The following EGFR variants were observed in gnomAD, a reference collection of about 807,000 sequenced individuals.
EGFR encodes avian erythroblastic leukemia viral (v-erb-b) oncogene homolog.
EGFR carries 58 observed loss-of-function variants against 143.0 expected under a neutral mutation model. The observed-to-expected ratio is 0.41, with a 90% CI of 0.33 to 0.50. The LOEUF (loss-of-function observed/expected upper bound fraction) is 0.50. Among genes scored for constraint, EGFR ranks in the 20% least tolerant of loss-of-function variants. EGFR has a pLI of 0.39. For missense variants in EGFR, 1,307 were observed against 1,579.0 expected (o/e 0.83, Z 2.92); for synonymous variants, 613 against 594.4 (o/e 1.03, Z -0.45).
intron 1 of EGFR, among the ~76,000 whole-genome samples, chr7:55,033,963 T>C (rs933584846): frequency 6.6e-6 from 1 of 152,212 alleles, no homozygotes; most frequent in African/African-American, 2.4e-5. Flanking sequence ...CTATGACGAC[T>C]GTGACTGGCC....
intron 1 of EGFR, among the ~76,000 whole-genome samples, chr7:55,114,916 C>G (rs1792741257): frequency 6.8e-6 from 1 of 146,998 alleles, no homozygotes; most frequent in South Asian, 2.2e-4. Flanking sequence ...GAGTCTCGCC[C>G]TGTCACCCAG....
intron 1 of EGFR, among the ~76,000 whole-genome samples, chr7:55,113,339 G>T (rs1408166436): frequency 1.3e-5 from 2 of 152,276 alleles, no homozygotes; most frequent in African/African-American, 4.8e-5. Context: ...ACATGGTATT[G>T]CCTCGATAAT....
chr7:55,131,693 T>A (rs1460002197), intron 1 of EGFR, among the ~76,000 whole-genome samples: 2 of 152,156 alleles, frequency 1.3e-5, no homozygotes, highest in Non-Finnish European at 2.9e-5. Flanking sequence ...GCTGTCCTGC[T>A]CCTGTCAGTA....
intron 27 of EGFR, among the ~76,000 whole-genome samples, chr7:55,204,204 TACAC>T (rs1056035842): frequency 8.3e-5 from 12 of 144,130 alleles, no homozygotes; most frequent in African/African-American, 3.1e-4. Flanking sequence ...CATACACATG[TACAC>T]ACACACCACA....
intron 1 of EGFR, among the ~76,000 whole-genome samples, chr7:55,079,657 C>T (rs1208192296): frequency 1.3e-5 from 2 of 152,032 alleles, no homozygotes; most frequent in African/African-American, 2.4e-5. Context: ...CCTTTGCTGC[C>T]GTCTTAAGTT....
chr7:55,134,911 G>T (rs148115489), intron 1 of EGFR, among the ~76,000 whole-genome samples: 18 of 152,230 alleles, frequency 1.2e-4, no homozygotes, highest in Middle Eastern at 3.4e-3. Context: ...CGCCGAGCTG[G>T]CCCCATGTCA....
At chr7:55,183,364 A>AAT (rs1468804258) in intron 20 of EGFR, among the ~76,000 whole-genome samples, 1 of 152,176 alleles carries the variant, frequency 6.6e-6, no homozygotes, top group Non-Finnish European at 1.5e-5. Context: ...GCACTCCATA[A>AAT]ATATATATAT....
At chr7:55,049,583 C>T (rs918445752) in intron 1 of EGFR, among the ~76,000 whole-genome samples, 1 of 151,964 alleles carries the variant, frequency 6.6e-6, no homozygotes, top group African/African-American at 2.4e-5. Flanking sequence ...GCTGTCTTCT[C>T]TCCTCCTCCT....
At chr7:55,121,738 C>T (rs1793220279) in intron 1 of EGFR, among the ~76,000 whole-genome samples, 2 of 152,290 alleles carry the variant, frequency 1.3e-5, no homozygotes, top group African/African-American at 4.8e-5. Context: ...TCCACTAAAT[C>T]GAAGTTAATA....
chr7:55,127,703 A>C (rs1793611773), intron 1 of EGFR, among the ~76,000 whole-genome samples: 1 of 152,212 alleles, frequency 6.6e-6, no homozygotes, highest in African/African-American at 2.4e-5. Context: ...ACAGTGGGCC[A>C]GAATAAACAA....
Position 55,198,670 on chromosome 7 carries a change from GT to G in EGFR, c.2702-45del, listed in dbSNP as rs772041911. The G allele has an allele frequency of 1.8e-5, 29 of 1,612,442 alleles. No homozygotes were observed. In the East Asian group the frequency reaches 6.2e-4, roughly 35 times the overall value. On this transcript the variant is annotated intron_variant, in intron 22 of 27. Coordinates refer to ENST00000275493, the MANE Select transcript of EGFR (RefSeq NM_005228.5). The stretch of plus-strand genomic sequence containing the variant: ...ATGACTAAAGCAAGGGATTGTGATT[GT>G]TCATTCATGATCCCACTGCCTTCTT...
chr7:55,137,710 T>G (rs1794228231), intron 1 of EGFR, among the ~76,000 whole-genome samples: 1 of 152,204 alleles, frequency 6.6e-6, no homozygotes. Flanking sequence ...TACTGTGCTG[T>G]GACATAAGGC....
intron 1 of EGFR, among the ~76,000 whole-genome samples, chr7:55,097,430 A>G (rs1468801559): frequency 1.3e-5 from 2 of 152,196 alleles, no homozygotes. Context: ...ACCAGCCCAA[A>G]TATCCATCAA....
rs148934350 is a variant in EGFR, at chr7:55,191,792, C to T, written c.2543C>T (p.Pro848Leu). Residue 848 changes from proline to leucine, a missense_variant, in exon 21 of 28, where the codon CCG becomes CTG. Physicochemically the swap from Pro to Leu is moderately conservative, Grantham distance 98 (BLOSUM62 -3). Transcript: ENST00000275493. ...GCCAGGAACGTACTGGTGAAAACAC[C>T]GCAGCATGTCAAGATCACAGATTTT... ...LAARNVLVKT[P>L]QHVKITDFGL... is the part of the protein sequence containing the mutation. The T allele has an allele frequency of 3.7e-4, 602 of 1,613,922 alleles. No individual in the cohort carries two copies. Among genetic ancestry groups the T allele is most frequent in the Non-Finnish European group, 4.7e-4 (551 of 1,180,042 alleles).
chr7:55,207,233 T>C lies in EGFR; in HGVS notation c.*1616T>C, dbSNP rs528969997. 39 of 233,084 alleles carry C rather than the reference T, an allele frequency of 1.7e-4. No individual in the cohort carries two copies. Among genetic ancestry groups the C allele is most frequent in the East Asian group, 1.6e-3 (27 of 16,536 alleles). The allele number at this position is 233,084 out of a possible 1,614,324, so 14.4% of individuals were successfully genotyped here. On this transcript the variant is annotated 3_prime_UTR_variant, in exon 28 of 28. Transcript: ENST00000275493. ...ACATACAAAATGTTCCTTTTGCTTT[T>C]AAAGTAATTTTTGACTCCCAGATCA... is the stretch of plus-strand genomic sequence containing the variant.
chr7:55,033,798 C>T (rs953638866), intron 1 of EGFR, among the ~76,000 whole-genome samples: 1 of 152,210 alleles, frequency 6.6e-6, no homozygotes, highest in Non-Finnish European at 1.5e-5. Flanking sequence ...ATCCCACCAA[C>T]CCTCACTTTG....
At chr7:55,153,948 C>A (rs1199906078) in intron 6 of EGFR, 63 bp from the exon 7 acceptor site, 2 of 1,611,826 alleles carry the variant, frequency 1.2e-6, no homozygotes, top group East Asian at 4.5e-5. Flanking sequence ...TGCTGCGCTT[C>A]CTCCGTGTGT....
intron 1 of EGFR, among the ~76,000 whole-genome samples, chr7:55,112,331 G>T (rs1299478463): frequency 5.3e-5 from 8 of 152,240 alleles, no homozygotes; most frequent in African/African-American, 1.9e-4. Context: ...CCTGCATGGT[G>T]GGTGAAAAGT....
intron 5 of EGFR, among the ~76,000 whole-genome samples, chr7:55,151,886 A>G (rs1243262681): frequency 6.6e-6 from 1 of 152,084 alleles, no homozygotes; most frequent in Non-Finnish European, 1.5e-5. Context: ...AACAACAACA[A>G]CAACAACAAC....
Sources: gnomAD v4.1 joint callset for allele counts (sites outside exome capture counted in the v4.1 genomes callset) on GRCh38, gnomAD v4.1.1 for gene constraint, MANE v1.5 for transcripts, NCBI Gene and HGNC (gene_info 2026-07-23, HGNC 2026-07-21) for gene names.